CSNK1G3: variants seen among roughly 807,000 people sequenced by gnomAD.
The protein encoded by CSNK1G3 is casein kinase I isoform gamma-3.
A neutral mutation model predicts 64.3 loss-of-function variants in CSNK1G3; 23 were observed. That is an observed-to-expected ratio of 0.36 (90% confidence interval 0.26 to 0.51). CSNK1G3 has a LOEUF of 0.51. Among genes scored for constraint, CSNK1G3 ranks in the 20% least tolerant of loss-of-function variants. The pLI is 0.96. For synonymous variants in CSNK1G3, 158 were observed against 162.2 expected, an observed-to-expected ratio of 0.97 and a Z score of 0.20; for missense variants, 357 against 510.5, an observed-to-expected ratio of 0.70 and a Z score of 2.90.
intron 1 of CSNK1G3, among the ~76,000 whole-genome samples, chr5:123,527,960 T>A (rs186879321): frequency 2.5e-4 from 38 of 152,316 alleles, no homozygotes; most frequent in African/African-American, 9.1e-4. Flanking sequence ...AAAGTGCTGT[T>A]ATGCAGAGAT....
intron 2 of CSNK1G3, among the ~76,000 whole-genome samples, chr5:123,551,103 G>A (rs756574851): frequency 1.2e-4 from 19 of 152,060 alleles, no homozygotes; most frequent in Admixed American, 9.2e-4. Flanking sequence ...TTTTCCTTGT[G>A]TACTTGTGAA....
chr5:123,531,730 T>C (rs1184203970), intron 1 of CSNK1G3, among the ~76,000 whole-genome samples: 1 of 152,060 alleles, frequency 6.6e-6, no homozygotes, highest in Non-Finnish European at 1.5e-5. Context: ...TATTACCATT[T>C]ATTCACACAT....
intron 1 of CSNK1G3, among the ~76,000 whole-genome samples, chr5:123,519,243 G>A (rs1285899892): frequency 2.0e-5 from 3 of 151,818 alleles, no homozygotes; most frequent in Non-Finnish European, 2.9e-5. Flanking sequence ...TAGTAGAGAC[G>A]GGGTTTTGCC....
Position 123,541,587 on chromosome 5 carries a change from C to T in CSNK1G3, c.-247-3830C>T, listed in dbSNP as rs185672155. 2.8e-3 allele frequency among the ~76,000 whole-genome samples: 426 copies of T among 152,148 alleles called. 1 individual carries two copies. Among genetic ancestry groups the T allele is most frequent in the African/African-American group, 9.5e-3 (393 of 41,524 alleles). On this transcript the variant is annotated intron_variant, in intron 1 of 12. Coordinates refer to ENST00000345990, the Ensembl canonical transcript of CSNK1G3. ...GGGACTACAGGTGTGTGCCACCACTCCCAGCTTATTATTTTTGTATTTTTA... is the reference window on the plus strand; with the variant it reads ...GGGACTACAGGTGTGTGCCACCACTTCCAGCTTATTATTTTTGTATTTTTA...
intron 6 of CSNK1G3, among the ~76,000 whole-genome samples, chr5:123,579,291 G>GT (rs11299582): frequency 3.6e-4 from 51 of 142,154 alleles, no homozygotes; most frequent in East Asian, 1.2e-3. Context: ...TAAATTTGCT[G>GT]TTTTTTTTTT....
At chr5:123,597,720 A>C (rs756590080) in intron 10 of CSNK1G3, among the ~76,000 whole-genome samples, 1 of 152,142 alleles carries the variant, frequency 6.6e-6, no homozygotes, top group Admixed American at 6.6e-5. Flanking sequence ...CCAAGTTGAG[A>C]GTTACCAGGT....
chr5:123,612,479 ATT>A (rs200373188), intron 12 of CSNK1G3, among the ~76,000 whole-genome samples: 27 of 138,364 alleles, frequency 2.0e-4, no homozygotes, highest in Non-Finnish European at 2.2e-4. Context: ...ACTTGAAGCT[ATT>A]TTTTTTTTTT....
chr5:123,552,369 C>A (rs946004753), intron 2 of CSNK1G3, among the ~76,000 whole-genome samples: 3 of 152,174 alleles, frequency 2.0e-5, no homozygotes, highest in Non-Finnish European at 4.4e-5. Flanking sequence ...TGGTCTTGAA[C>A]TCCTGACTTC....
At chr5:123,514,266 C>T (rs1029938319) in intron 1 of CSNK1G3, among the ~76,000 whole-genome samples, 13 of 152,092 alleles carry the variant, frequency 8.5e-5, no homozygotes, top group African/African-American at 3.1e-4. Flanking sequence ...AGTCATCCAC[C>T]CCCTTCTGCC....
chr5:123,530,243 C>T (rs747842178), intron 1 of CSNK1G3, among the ~76,000 whole-genome samples: 9 of 151,870 alleles, frequency 5.9e-5, no homozygotes, highest in African/African-American at 9.7e-5. Context: ...ATGAAACGGT[C>T]GTATTGTAGT....
At chr5:123,541,713 T>C (rs1251914784) in intron 1 of CSNK1G3, among the ~76,000 whole-genome samples, 2 of 152,226 alleles carry the variant, frequency 1.3e-5, no homozygotes. Context: ...ATTACAGTTG[T>C]GAGCCACTGC....
rs1213918822 is a variant in CSNK1G3 at position 123,595,240 on chromosome 5, C to G, written c.1086+3826C>G. ...TCATATCTTAATGGAAAATTTGTTG[C>G]TGAACTACTCTATCCATAATTCTAT... is the stretch of plus-strand genomic sequence containing the variant. On this transcript the variant is annotated intron_variant, in intron 10 of 12. Transcript: ENST00000345990. 6 of 985,066 alleles carry G rather than the reference C, an allele frequency of 6.1e-6. No individual in the cohort carries two copies. In the Admixed American group the frequency reaches 1.1e-4, roughly 19 times the overall value. 61.0% of individuals were successfully genotyped at this position (985,066 alleles called of 1,614,324 possible).
intron 1 of CSNK1G3, among the ~76,000 whole-genome samples, chr5:123,515,418 T>A (rs551218378): frequency 9.8e-5 from 15 of 152,342 alleles, no homozygotes; most frequent in Middle Eastern, 3.4e-3. Context: ...AGATTTGCTG[T>A]GGATGAGATG....
chr5:123,576,712 A>G (rs573472366), intron 6 of CSNK1G3, among the ~76,000 whole-genome samples: 1 of 152,226 alleles, frequency 6.6e-6, no homozygotes, highest in Middle Eastern at 3.4e-3. Flanking sequence ...TTTGAGCACA[A>G]ATATCACAGA....
At chr5:123,616,050 T>C (rs545788122) in exon 13 of CSNK1G3, 1 of 152,340 alleles carries the variant, frequency 6.6e-6, no homozygotes, top group African/African-American at 2.4e-5. Flanking sequence ...CAGGACATTG[T>C]TTATCATTGT....
At position 123,590,067 on chromosome 5, in the gene CSNK1G3, G is replaced by A. The variant is rs561142104; in HGVS notation, c.845-346G>A. Among the ~76,000 whole-genome samples the A allele has an allele frequency of 1.9e-3, 293 of 152,112 alleles. 1 individual carries two copies. Among genetic ancestry groups the A allele is most frequent in the African/African-American group, 6.7e-3 (279 of 41,532 alleles). ...TTTAAATTTATAAACTGAATATGAT[G>A]CTTTGTGATTAATCATGCATTATTA... On this transcript the variant is annotated intron_variant, in intron 8 of 12. Transcript: ENST00000345990.
chr5:123,536,407 T>C (rs1394327794), intron 1 of CSNK1G3, among the ~76,000 whole-genome samples: 1 of 147,330 alleles, frequency 6.8e-6, no homozygotes, highest in Non-Finnish European at 1.5e-5. Context: ...TCCTTCTAAA[T>C]TGAAAAAATA....
chr5:123,611,761 A>C lies in CSNK1G3; in HGVS notation c.1218-2581A>C, dbSNP rs751593897. On this transcript the variant is annotated intron_variant, in intron 12 of 12. Coordinates refer to ENST00000345990, the Ensembl canonical transcript of CSNK1G3. Reference sequence around the variant, plus strand: ...AACATTATTAAAGGAATTTTATATCAAACAATAAATTTCCATTGAAATATG... The same window carrying C: ...AACATTATTAAAGGAATTTTATATCCAACAATAAATTTCCATTGAAATATG... Among the ~76,000 whole-genome samples the C allele has an allele frequency of 9.2e-5, 14 of 152,234 alleles. 1 individual carries two copies. Among genetic ancestry groups the C allele is most frequent in the Admixed American group, 2.6e-4 (4 of 15,284 alleles).
intron 1 of CSNK1G3, among the ~76,000 whole-genome samples, chr5:123,513,704 G>C (rs1776646381): frequency 6.6e-6 from 1 of 152,142 alleles, no homozygotes; most frequent in Non-Finnish European, 1.5e-5. Flanking sequence ...AAAATGAAAA[G>C]TATATACTTT....
Sources: allele counts gnomAD v4.1 joint callset (sites outside exome capture counted in the v4.1 genomes callset), GRCh38; gene constraint gnomAD v4.1.1; transcripts MANE v1.5; gene names NCBI Gene and HGNC (gene_info 2026-07-23, HGNC 2026-07-21).